PPP4R3B: variants seen among roughly 807,000 people sequenced by gnomAD.
The protein encoded by PPP4R3B is serine/threonine-protein phosphatase 4 regulatory subunit 3B.
In PPP4R3B, 52 loss-of-function variants were observed where a neutral mutation model predicts 95.4. That is an observed-to-expected ratio of 0.54 (90% CI 0.44 to 0.69). PPP4R3B has a LOEUF of 0.69. PPP4R3B is among the 30% of genes least tolerant of loss of function. PPP4R3B has a pLI of 0.00. For synonymous variants in PPP4R3B, 407 were observed against 343.9 expected (o/e 1.18, Z -2.03); for missense variants, 1,003 against 1,005.9 (o/e 1.00, Z 0.04).
In PPP4R3B at chr2:55,598,667, C is replaced by A; in HGVS notation, c.670G>T (p.Gly224Ter). ...AAAGCAGGGTCATATTCAAGGCATCCCACGACATCCATGATACACTCATCA... is the reference window on the plus strand; with the variant it reads ...AAAGCAGGGTCATATTCAAGGCATCACACGACATCCATGATACACTCATCA... ...FSDECIMDVV[G>*]CLEYDPALAQ... Residue 224 changes from glycine to a stop codon, truncating the protein, a stop_gained, in exon 4 of 17, where the codon GGA becomes TGA. Coordinates refer to ENST00000616407, the MANE Select transcript of PPP4R3B (RefSeq NM_001122964.3). LOFTEE classifies it high-confidence loss of function. 6 of 1,614,114 alleles carry A rather than the reference C, an allele frequency of 3.7e-6. No individual in the cohort carries two copies. Among genetic ancestry groups the A allele is most frequent in the Non-Finnish European group, 5.1e-6 (6 of 1,180,038 alleles).
rs372018205 is a variant in PPP4R3B, at chr2:55,615,513, G to C, written c.143-7C>G. On this transcript the variant is annotated splice_region_variant and splice_polypyrimidine_tract_variant and intron_variant, in intron 1 of 16. Transcript: ENST00000616407. ...GATTCCAAGAGTAGTGATCCTGAAAGATAAAAAATAATACATCATAAGTCT... is the reference window on the plus strand; with the variant it reads ...GATTCCAAGAGTAGTGATCCTGAAACATAAAAAATAATACATCATAAGTCT... 8 of 1,563,150 alleles carry C rather than the reference G, an allele frequency of 5.1e-6. No individual in the cohort carries two copies. The African/African-American group carries it at 1.1e-4, about 21-fold the overall frequency.
intron 12 of PPP4R3B, among the ~76,000 whole-genome samples, chr2:55,568,798 G>C (rs1687619077): frequency 6.6e-6 from 1 of 152,194 alleles, no homozygotes; most frequent in African/African-American, 2.4e-5. Flanking sequence ...CTGTCATTAA[G>C]GTGGGCACAG....
intron 15 of PPP4R3B, among the ~76,000 whole-genome samples, chr2:55,559,536 G>A (rs1293619963): frequency 6.6e-6 from 1 of 152,108 alleles, no homozygotes; most frequent in Non-Finnish European, 1.5e-5. Flanking sequence ...ACTGGATCAT[G>A]GGGGTGGATT....
At chr2:55,604,815 CAT>C (rs1693152896) in intron 2 of PPP4R3B, among the ~76,000 whole-genome samples, 1 of 151,832 alleles carries the variant, frequency 6.6e-6, no homozygotes, top group Non-Finnish European at 1.5e-5. Flanking sequence ...CACACACACA[CAT>C]ACACACAAAT....
chr2:55,608,058 T>C (rs1385481432), intron 2 of PPP4R3B, among the ~76,000 whole-genome samples: 2 of 152,224 alleles, frequency 1.3e-5, no homozygotes, highest in Non-Finnish European at 2.9e-5. Flanking sequence ...CAGGTTGGAA[T>C]GCAGTGGTGC....
At chr2:55,612,570 A>C (rs946235457) in intron 2 of PPP4R3B, among the ~76,000 whole-genome samples, 1 of 152,054 alleles carries the variant, frequency 6.6e-6, no homozygotes, top group African/African-American at 2.4e-5. Context: ...ACAACAACAA[A>C]GTTTTGTAAT....
At chr2:55,615,573 A>G in intron 1 of PPP4R3B, 67 bp from the exon 2 acceptor site, 1 of 1,209,888 alleles carries the variant, frequency 8.3e-7, no homozygotes. Context: ...ATTAGAATAC[A>G]CATTAAAGCC....
intron 12 of PPP4R3B, among the ~76,000 whole-genome samples, chr2:55,570,185 G>C (rs1687832235): frequency 6.6e-6 from 1 of 152,166 alleles, no homozygotes; most frequent in South Asian, 2.1e-4. Context: ...TGGAGGTGGA[G>C]GTTGCAGTGA....
intron 6 of PPP4R3B, 36 bp from the exon 7 acceptor site, chr2:55,585,203 T>C: frequency 7.0e-7 from 1 of 1,427,302 alleles, no homozygotes; most frequent in East Asian, 2.4e-5. Context: ...TAGAGACTGT[T>C]AACAAAAGTT....
chr2:55,550,717 A>G (rs1490692174), intron 16 of PPP4R3B, among the ~76,000 whole-genome samples: 1 of 152,228 alleles, frequency 6.6e-6, no homozygotes, highest in Non-Finnish European at 1.5e-5. Context: ...GGGCTACTGT[A>G]AACACTGTAT....
intron 16 of PPP4R3B, among the ~76,000 whole-genome samples, chr2:55,556,933 T>A (rs568683543): frequency 6.6e-6 from 1 of 152,024 alleles, no homozygotes; most frequent in African/African-American, 2.4e-5. Flanking sequence ...CATAGTGGCA[T>A]GCGCCAGCAC....
intron 11 of PPP4R3B, 58 bp downstream of exon 11, chr2:55,577,257 T>C: frequency 6.6e-7 from 1 of 1,506,532 alleles, no homozygotes; most frequent in East Asian, 2.6e-5. Flanking sequence ...GCATTACACT[T>C]AGAGTAGAAA....
chr2:55,571,045 T>C (rs1687932507), intron 12 of PPP4R3B, among the ~76,000 whole-genome samples: 1 of 152,182 alleles, frequency 6.6e-6, no homozygotes, highest in Admixed American at 6.5e-5. Context: ...GTGCAGCGGT[T>C]CACACCTGTA....
Position 55,598,823 on chromosome 2 carries a change from T to C in PPP4R3B, c.514A>G (p.Ile172Val), listed in dbSNP as rs774666395. ...TGGAACAGCTGCAATAGTTTTTTAA[T>C]ATAGCCTTCATTTTCCAAGGCGAGA... ...LALALENEGY[I>V]KKLLQLFQAC... Residue 172 changes from isoleucine to valine, a missense_variant, in exon 4 of 17, where the codon ATT becomes GTT. This residue lies in a region of PPP4R3B where 695 missense variants were observed against 686.2 expected (regional missense o/e 1.01). Transcript: ENST00000616407. 13 of 1,614,098 alleles carry C rather than the reference T, an allele frequency of 8.1e-6. No homozygotes were observed. Among genetic ancestry groups the C allele is most frequent in the South Asian group, 5.5e-5 (5 of 91,086 alleles).
At chr2:55,551,033 C>G (rs1035091554) in intron 16 of PPP4R3B, among the ~76,000 whole-genome samples, 17 of 152,050 alleles carry the variant, frequency 1.1e-4, no homozygotes, top group Non-Finnish European at 7.4e-5. Context: ...TCTAATGACA[C>G]CACGTTTTAT....
chr2:55,578,492 A>T, intron 9 of PPP4R3B, 150 bp from the exon 10 acceptor site: 3 of 845,006 alleles, frequency 3.6e-6, no homozygotes, highest in Non-Finnish European at 4.7e-6. Context: ...TATAAATGGA[A>T]CCATTCTGCA....
chr2:55,579,893 G>T, intron 8 of PPP4R3B, 112 bp from the exon 9 acceptor site: 1 of 558,922 alleles, frequency 1.8e-6, no homozygotes, highest in Non-Finnish European at 3.1e-6. Flanking sequence ...AGAATTAGCA[G>T]TACAGATCAT....
At chr2:55,576,478 C>G (rs1688685848) in intron 11 of PPP4R3B, among the ~76,000 whole-genome samples, 1 of 151,966 alleles carries the variant, frequency 6.6e-6, no homozygotes, top group Admixed American at 6.6e-5. Context: ...CGCGGTGGCT[C>G]ACGCCTGTAA....
intron 4 of PPP4R3B, among the ~76,000 whole-genome samples, chr2:55,597,079 TC>T (rs368230791): frequency 2.4e-4 from 37 of 152,304 alleles, no homozygotes; most frequent in African/African-American, 8.4e-4. Context: ...GAGTTACTGT[TC>T]AATGGGTTCA....
Sources: allele counts gnomAD v4.1 joint callset (sites outside exome capture counted in the v4.1 genomes callset), GRCh38; gene constraint gnomAD v4.1.1; regional missense constraint gnomAD v4.1.1; transcripts MANE v1.5; gene names NCBI Gene and HGNC (gene_info 2026-07-23, HGNC 2026-07-21).